RBFOX1: variants seen among roughly 807,000 people sequenced by gnomAD.
RBFOX1 encodes RNA binding protein fox-1 homolog 1.
Under a neutral mutation model 57.7 loss-of-function variants are expected in RBFOX1, and 8 were observed. That is an observed-to-expected ratio of 0.14 (90% CI 0.08 to 0.25). The LOEUF (loss-of-function observed/expected upper bound fraction) is 0.25, where lower values mean the gene tolerates loss of function less well. RBFOX1 is among the 10% of genes least tolerant of loss of function. RBFOX1 has a pLI of 1.00. For synonymous variants in RBFOX1, 326 were observed against 222.4 expected, an observed-to-expected ratio of 1.47 and a Z score of -4.15; for missense variants, 611 against 548.5, an observed-to-expected ratio of 1.11 and a Z score of -1.14.
intron 1 of RBFOX1, among the ~76,000 whole-genome samples, chr16:5,424,202 C>T (rs2067442980): frequency 6.6e-6 from 1 of 152,160 alleles, no homozygotes; most frequent in African/African-American, 2.4e-5. Context: ...TGTTGAATTT[C>T]TTAGCACACT....
intron 2 of RBFOX1, among the ~76,000 whole-genome samples, chr16:6,621,629 G>A (rs561821403): frequency 2.2e-4 from 34 of 152,212 alleles, no homozygotes; most frequent in African/African-American, 6.7e-4. Context: ...ATATCTTTTC[G>A]GGGGCACATT....
intron 3 of RBFOX1, among the ~76,000 whole-genome samples, chr16:6,678,796 G>A (rs1233565158): frequency 6.6e-6 from 1 of 152,090 alleles, no homozygotes; most frequent in African/African-American, 2.4e-5. Context: ...CACTTGCCAT[G>A]AATAGCTGAT....
intron 3 of RBFOX1, among the ~76,000 whole-genome samples, chr16:6,795,740 T>C (rs916573302): frequency 7.3e-5 from 11 of 150,282 alleles, no homozygotes; most frequent in African/African-American, 2.2e-4. Context: ...CACTCTAGCC[T>C]GGGTGACAGA....
At chr16:7,648,280 C>T (rs760433838) in intron 11 of RBFOX1, among the ~76,000 whole-genome samples, 29 of 152,084 alleles carry the variant, frequency 1.9e-4, no homozygotes, top group Non-Finnish European at 3.7e-4. Flanking sequence ...AGTGCATTGG[C>T]GCGATTTCTG....
intron 2 of RBFOX1, among the ~76,000 whole-genome samples, chr16:6,585,914 G>A (rs754621000): frequency 5.9e-5 from 9 of 152,084 alleles, no homozygotes; most frequent in South Asian, 4.1e-4. Context: ...GAGATCATAC[G>A]CAATTATTTC....
intron 2 of RBFOX1, among the ~76,000 whole-genome samples, chr16:6,517,451 C>T (rs954888765): frequency 6.6e-6 from 1 of 152,142 alleles, no homozygotes; most frequent in African/African-American, 2.4e-5. Flanking sequence ...GACAGAGAAA[C>T]AGAGAATTCC....
At chr16:7,305,076 G>T (rs2142202106) in intron 4 of RBFOX1, among the ~76,000 whole-genome samples, 1 of 151,626 alleles carries the variant, frequency 6.6e-6, no homozygotes, top group East Asian at 1.9e-4. Context: ...TGAAGAAGGT[G>T]AGCTGTTTAG....
intron 1 of RBFOX1, among the ~76,000 whole-genome samples, chr16:6,131,727 C>A (rs190779806): frequency 3.9e-5 from 6 of 152,330 alleles, no homozygotes; most frequent in Middle Eastern, 3.4e-3. Flanking sequence ...CCCATTTCCT[C>A]CCCACTGGCC....
intron 2 of RBFOX1, among the ~76,000 whole-genome samples, chr16:5,559,359 G>T (rs1486050184): frequency 6.6e-6 from 1 of 152,138 alleles, no homozygotes; most frequent in Non-Finnish European, 1.5e-5. Context: ...GAAGCCATTT[G>T]TTTTGTAATC....
intron 2 of RBFOX1, among the ~76,000 whole-genome samples, chr16:6,476,503 T>C (rs181542652): frequency 6.6e-6 from 1 of 152,310 alleles, no homozygotes; most frequent in East Asian, 1.9e-4. Flanking sequence ...AAGTGTGCAA[T>C]AGCATTGTAT....
chr16:5,983,606 C>T (rs990275013), intron 4 of RBFOX1, among the ~76,000 whole-genome samples: 7 of 152,116 alleles, frequency 4.6e-5, no homozygotes, highest in African/African-American at 1.7e-4. Context: ...GCTCAGGAAG[C>T]GTGGTCCTTG....
intron 1 of RBFOX1, among the ~76,000 whole-genome samples, chr16:6,221,435 G>T (rs114403307): frequency 3.9e-5 from 6 of 152,288 alleles, no homozygotes; most frequent in African/African-American, 1.4e-4. Context: ...AACACTTAGA[G>T]AGCCATGAGT....
chr16:5,618,062 T>C (rs79449811), intron 3 of RBFOX1, among the ~76,000 whole-genome samples: 12 of 152,294 alleles, frequency 7.9e-5, no homozygotes, highest in Middle Eastern at 3.4e-3. Context: ...CATTATGAAT[T>C]TTTACATCTG....
rs1479353780 is a variant in RBFOX1, at chr16:7,190,392, T to A, written c.27+138294T>A. ...AATAAAAATAATATAAAATAAAAAA[T>A]AAAACTTCCCTCATTGTTTTTGTTG... On this transcript the variant is annotated intron_variant, in intron 4 of 15. Coordinates refer to ENST00000550418, the MANE Select transcript of RBFOX1 (RefSeq NM_018723.4). Among the ~76,000 whole-genome samples, 5 of 152,184 alleles carry A rather than the reference T, an allele frequency of 3.3e-5. No homozygotes were observed. The East Asian group carries it at 9.6e-4, about 29-fold the overall frequency.
chr16:7,198,075 G>T (rs1030543233), intron 4 of RBFOX1, among the ~76,000 whole-genome samples: 9 of 130,518 alleles, frequency 6.9e-5, no homozygotes, highest in African/African-American at 2.7e-4. Context: ...GAGCGATCTC[G>T]GCTCACTGCA....
chr16:7,411,912 AAAAAAAAAAAAAG>A (rs1055793888), intron 4 of RBFOX1, among the ~76,000 whole-genome samples: 3 of 151,422 alleles, frequency 2.0e-5, no homozygotes, highest in South Asian at 2.1e-4. Flanking sequence ...CAAAAAAAAA[AAAAAAAAAAAAAG>A]ATAGGGAAAA....
intron 3 of RBFOX1, 91 bp from the exon 4 acceptor site, chr16:7,051,966 C>G: frequency 3.3e-6 from 5 of 1,533,518 alleles, no homozygotes; most frequent in Middle Eastern, 1.7e-4. Flanking sequence ...TTTCTTTGAG[C>G]TGAGTAATTA....
intron 1 of RBFOX1, among the ~76,000 whole-genome samples, chr16:6,113,825 C>CT (rs1414871874): frequency 6.6e-6 from 1 of 152,190 alleles, no homozygotes; most frequent in Non-Finnish European, 1.5e-5. Context: ...GTCTCTGTGT[C>CT]TTTTTACATC....
chr16:6,531,059 C>A (rs564969860), intron 2 of RBFOX1, among the ~76,000 whole-genome samples: 6 of 152,206 alleles, frequency 3.9e-5, no homozygotes, highest in Admixed American at 2.6e-4. Context: ...TACTAGCAAA[C>A]TGGCCCAAGC....
Sources: gnomAD v4.1 joint callset for allele counts (sites outside exome capture counted in the v4.1 genomes callset) on GRCh38, gnomAD v4.1.1 for gene constraint, MANE v1.5 for transcripts, NCBI Gene and HGNC (gene_info 2026-07-23, HGNC 2026-07-21) for gene names.